SAMSN1: variants seen among roughly 807,000 people sequenced by gnomAD.
The protein encoded by SAMSN1 is SAM domain-containing protein SAMSN-1.
In SAMSN1, 31 loss-of-function variants were observed where a neutral mutation model predicts 42.0. The observed-to-expected ratio is 0.74, with a 90% CI of 0.55 to 1.00. The LOEUF is 1.00. Ranked by LOEUF, SAMSN1 falls within the 50% of genes least tolerant of loss-of-function variation. The probability of loss-of-function intolerance (pLI) is 0.00; values close to 1 mark genes in which losing one functional copy is unlikely to be tolerated. For synonymous variants in SAMSN1, 178 were observed against 151.9 expected (o/e 1.17, Z -1.26); for missense variants, 464 against 439.4 (o/e 1.06, Z -0.50).
intron 2 of SAMSN1, among the ~76,000 whole-genome samples, chr21:14,577,536 G>A (rs1002699273): frequency 6.6e-6 from 1 of 151,722 alleles, no homozygotes; most frequent in South Asian, 2.1e-4. Flanking sequence ...CTCCTTCACA[G>A]CCCACAAACT....
intron 2 of SAMSN1, among the ~76,000 whole-genome samples, chr21:14,558,554 G>T (rs1296039746): frequency 6.6e-6 from 1 of 151,904 alleles, no homozygotes; most frequent in Non-Finnish European, 1.5e-5. Context: ...GGTGATGCAT[G>T]CCTGTAGTCC....
chr21:14,602,747 G>A (rs1982468131), intron 5 of SAMSN1, among the ~76,000 whole-genome samples: 1 of 152,180 alleles, frequency 6.6e-6, no homozygotes, highest in South Asian at 2.1e-4. Context: ...CAGATAAGGA[G>A]AGTGCAACCC....
chr21:14,523,159 A>G (rs1448534665), intron 1 of SAMSN1: 1 of 152,176 alleles, frequency 6.6e-6, no homozygotes, highest in Non-Finnish European at 1.5e-5. Flanking sequence ...CCATTTTAGT[A>G]CAAGGCAACT....
intron 5 of SAMSN1, among the ~76,000 whole-genome samples, chr21:14,506,562 A>G (rs1987415861): frequency 6.6e-6 from 1 of 152,172 alleles, no homozygotes; most frequent in East Asian, 1.9e-4. Flanking sequence ...TAAAATTACC[A>G]ACAAAAAAAG....
intron 2 of SAMSN1, among the ~76,000 whole-genome samples, chr21:14,636,607 T>C (rs6516924): frequency 0.026 from 3,979 of 151,942 alleles, 172 homozygotes; most frequent in African/African-American, 0.09. Context: ...CTTTAGGAGG[T>C]CGAGGCAGGC....
chr21:14,658,834 C>T, upstream of SAMSN1: 1 of 713,704 alleles, frequency 1.4e-6, no homozygotes, highest in Non-Finnish European at 2.6e-6. Context: ...TTGTAGCTCT[C>T]TCTTGCCTTC....
chr21:14,608,574 T>C (rs1319272636), intron 5 of SAMSN1, among the ~76,000 whole-genome samples: 1 of 152,146 alleles, frequency 6.6e-6, no homozygotes. Flanking sequence ...GAGGTGCACA[T>C]GATCTAGTAA....
At chr21:14,591,762 C>G (rs930410549) in intron 7 of SAMSN1, among the ~76,000 whole-genome samples, 3 of 152,138 alleles carry the variant, frequency 2.0e-5, no homozygotes, top group Admixed American at 2.0e-4. Context: ...TCTTATTCCA[C>G]TGTAAAAACA....
chr21:14,638,460 T>C (rs1983518696), intron 2 of SAMSN1, among the ~76,000 whole-genome samples: 1 of 152,186 alleles, frequency 6.6e-6, no homozygotes, highest in Non-Finnish European at 1.5e-5. Flanking sequence ...GCAAACTTTT[T>C]CTGTGAAAAT....
At chr21:14,587,941 C>T (rs576414460), upstream of SAMSN1, among the ~76,000 whole-genome samples, 162 of 125,692 alleles carry the variant, frequency 1.3e-3, no homozygotes, top group Admixed American at 0.011. Flanking sequence ...ATTCCCCTTC[C>T]TGTGTCCATG....
intron 2 of SAMSN1, among the ~76,000 whole-genome samples, chr21:14,553,197 T>G (rs1270880729): frequency 6.6e-6 from 1 of 152,138 alleles, no homozygotes; most frequent in Non-Finnish European, 1.5e-5. Flanking sequence ...ATTATTTTGT[T>G]AAATCATTAG....
intron 1 of SAMSN1, among the ~76,000 whole-genome samples, chr21:14,540,195 G>T (rs1979918459): frequency 6.6e-6 from 1 of 152,146 alleles, no homozygotes; most frequent in Non-Finnish European, 1.5e-5. Context: ...AATCCTAGAA[G>T]AAAACCTAGG....
At chr21:14,498,351 G>T in intron 7 of SAMSN1, 91 bp downstream of exon 7, 2 of 1,114,298 alleles carry the variant, frequency 1.8e-6, no homozygotes, top group Non-Finnish European at 2.6e-6. Context: ...CATGATCTCA[G>T]TAAATAAAAC....
At chr21:14,502,831 G>A (rs934315795) in intron 5 of SAMSN1, among the ~76,000 whole-genome samples, 2 of 152,136 alleles carry the variant, frequency 1.3e-5, no homozygotes, top group Non-Finnish European at 2.9e-5. Flanking sequence ...TAATAGCATG[G>A]AAGGGATCAA....
rs548834332 is a variant in SAMSN1, at chr21:14,566,577, G to A, written c.261+15559C>T. On this transcript the variant is annotated intron_variant, in intron 2 of 8. Coordinates refer to the SAMSN1 transcript ENST00000285670. ...TTTTGAGACAGGGTCTCACTTTGTC[G>A]CCCAGGCTATAGTGCAGTGGTATGA... Among the ~76,000 whole-genome samples, 73 of 151,518 alleles carry A rather than the reference G, an allele frequency of 4.8e-4. No individual in the cohort carries two copies. The South Asian group carries it at 7.5e-3, about 16-fold the overall frequency.
At chr21:14,527,851 G>A (rs141567596) in intron 1 of SAMSN1, among the ~76,000 whole-genome samples, 49 of 150,818 alleles carry the variant, frequency 3.2e-4, no homozygotes, top group African/African-American at 1.1e-3. Flanking sequence ...CAAGTCTGAT[G>A]AGTAAAAAAG....
chr21:14,577,284 A>ATTTTTTTTT lies in SAMSN1; in HGVS notation c.261+4843_261+4851dup, dbSNP rs58491748. 7.4e-5 allele frequency among the ~76,000 whole-genome samples: 4 copies of ATTTTTTTTT among 53,862 alleles called. 1 individual carries two copies. The highest frequency in any genetic ancestry group is 5.4e-4 in the East Asian group (1 of 1,836). The allele number at this position is 53,862 out of a possible 152,430, so 35.3% of individuals were successfully genotyped here. A position where few individuals can be genotyped will look rare whatever the true frequency, so the allele number is the denominator to read the frequency against. ...TATATATATATATATATATATATAT[A>ATTTTTTTTT]TTTTTTTTTTAGAAGAGACAGGGTT... On this transcript the variant is annotated intron_variant, in intron 2 of 8. Transcript: ENST00000285670.
rs1231297979 is a variant in SAMSN1, at chr21:14,485,918, A to G, written c.1116T>C (p.Ser372=). The G allele has an allele frequency of 6.2e-7, 1 of 1,612,966 alleles. No individual in the cohort carries two copies. The highest frequency in any genetic ancestry group is 8.5e-7 in the Non-Finnish European group (1 of 1,179,192). The change falls in exon 8 of 8, where the codon AGT becomes AGC. Residue 372 remains serine, a synonymous_variant. Coordinates refer to ENST00000400566, the MANE Select transcript of SAMSN1 (RefSeq NM_022136.5). ...TATAGTTGGGAATGCGTGTTCAGTC[A>G]CTTGGCTCTGTGATAATAATCTTAT... ...MVHKIIITEP[S]D is the part of the protein sequence containing the mutation.
intron 7 of SAMSN1, among the ~76,000 whole-genome samples, chr21:14,590,685 T>C (rs890151318): frequency 2.0e-5 from 3 of 152,202 alleles, no homozygotes; most frequent in Non-Finnish European, 4.4e-5. Flanking sequence ...CTACTGGTAA[T>C]TTGTTCTTAG....
Sources: gnomAD v4.1 joint callset for allele counts (sites outside exome capture counted in the v4.1 genomes callset) on GRCh38, gnomAD v4.1.1 for gene constraint, MANE v1.5 for transcripts, NCBI Gene and HGNC (gene_info 2026-07-23, HGNC 2026-07-21) for gene names.